ACCSL: variants seen among roughly 807,000 people sequenced by gnomAD.
ACCSL encodes 1-aminocyclopropane-1-carboxylate synthase homolog (inactive) like, also known as probable inactive 1-aminocyclopropane-1-carboxylate synthase-like protein 2.
In ACCSL, 55 loss-of-function variants were observed where a neutral mutation model predicts 61.7. That is an observed-to-expected ratio of 0.89 (90% CI 0.72 to 1.12). The LOEUF (loss-of-function observed/expected upper bound fraction) is 1.12, where lower values mean the gene tolerates loss of function less well. ACCSL is among the 50% of genes most tolerant of loss of function. The pLI is 0.00. For synonymous variants in ACCSL, 258 were observed against 264.3 expected, an observed-to-expected ratio of 0.98 and a Z score of 0.23; for missense variants, 632 against 698.0, an observed-to-expected ratio of 0.91 and a Z score of 1.07.
the ACCSL span, among the ~76,000 whole-genome samples, chr11:43,969,714 C>G: frequency 0.027 from 4,037 of 152,222 alleles, 226 homozygotes; most frequent in Admixed American, 0.15. Flanking sequence ...CCCAGCTTCC[C>G]ACTTCCCTGG....
the ACCSL span, among the ~76,000 whole-genome samples, chr11:44,024,934 T>A: frequency 6.6e-6 from 1 of 152,208 alleles, no homozygotes; most frequent in Non-Finnish European, 1.5e-5. Context: ...TATTTAAAAA[T>A]GCCCTTCTTT....
chr11:44,032,643 G>A, the ACCSL span, among the ~76,000 whole-genome samples: 4 of 152,174 alleles, frequency 2.6e-5, no homozygotes, highest in African/African-American at 9.7e-5. Flanking sequence ...GAGTGGACTG[G>A]AGTGGGGAGC....
At chr11:43,942,773 C>T in the ACCSL span, 1 of 425,542 alleles carries the variant, frequency 2.3e-6, no homozygotes, top group Non-Finnish European at 3.2e-6. Context: ...GGGCCGCCGC[C>T]ACCCCGCAGC....
chr11:44,045,459 C>A (rs567033103), upstream of ACCSL, among the ~76,000 whole-genome samples: 8 of 152,200 alleles, frequency 5.3e-5, 1 homozygote, highest in Non-Finnish European at 8.8e-5. Context: ...CAACCCCCCC[C>A]ACAAAAAAAC....
the ACCSL span, among the ~76,000 whole-genome samples, chr11:43,927,483 AT>A: frequency 6.6e-6 from 1 of 152,238 alleles, no homozygotes. Context: ...TCAGTGCCTG[AT>A]TTATGAATCC....
chr11:44,004,878 C>A, the ACCSL span, among the ~76,000 whole-genome samples: 6 of 152,194 alleles, frequency 3.9e-5, no homozygotes, highest in Non-Finnish European at 7.3e-5. Flanking sequence ...GTTGGAGAAG[C>A]ACTGCTCTAG....
the ACCSL span, among the ~76,000 whole-genome samples, chr11:44,027,635 T>C: frequency 6.6e-6 from 1 of 152,176 alleles, no homozygotes; most frequent in African/African-American, 2.4e-5. Context: ...GGTGAAGAAA[T>C]GTTCCCAAGG....
the ACCSL span, chr11:43,933,092 G>C: frequency 2.2e-6 from 1 of 456,040 alleles, no homozygotes; most frequent in African/African-American, 2.0e-5. Flanking sequence ...TTTTCCAGTA[G>C]GCAGAAGACT....
At chr11:43,979,718 A>G in the ACCSL span, among the ~76,000 whole-genome samples, 1 of 151,994 alleles carries the variant, frequency 6.6e-6, no homozygotes, top group Admixed American at 6.6e-5. Flanking sequence ...GTGGTGGTGC[A>G]TGCCTGTAGT....
the ACCSL span, among the ~76,000 whole-genome samples, chr11:43,991,669 C>T: frequency 6.6e-6 from 1 of 152,208 alleles, no homozygotes; most frequent in Non-Finnish European, 1.5e-5. Flanking sequence ...TGGTTGGTGC[C>T]TGTAGTCCCA....
At chr11:43,964,201 T>G in the ACCSL span, among the ~76,000 whole-genome samples, 285 of 152,250 alleles carry the variant, frequency 1.9e-3, 2 homozygotes, top group African/African-American at 6.5e-3. Context: ...TCCCAGCACT[T>G]TGGGAGCTGA....
At chr11:43,951,874 G>A in the ACCSL span, among the ~76,000 whole-genome samples, 2 of 152,172 alleles carry the variant, frequency 1.3e-5, no homozygotes, top group Non-Finnish European at 2.9e-5. Flanking sequence ...GTTGGCGCAT[G>A]CCTGTAATCC....
chr11:44,018,431 G>T, the ACCSL span, among the ~76,000 whole-genome samples: 1 of 152,186 alleles, frequency 6.6e-6, no homozygotes, highest in Non-Finnish European at 1.5e-5. Flanking sequence ...GAGTCTACAG[G>T]CAATATAGTT....
the ACCSL span, among the ~76,000 whole-genome samples, chr11:43,938,278 C>T: frequency 6.6e-6 from 1 of 152,164 alleles, no homozygotes; most frequent in Non-Finnish European, 1.5e-5. Context: ...TGTCATTCTC[C>T]ACAACCACCG....
At chr11:44,001,141 A>T in the ACCSL span, 1 of 152,184 alleles carries the variant, frequency 6.6e-6, no homozygotes, top group Non-Finnish European at 1.5e-5. Context: ...CATAAAATAA[A>T]TTCCCTCATC....
the ACCSL span, among the ~76,000 whole-genome samples, chr11:43,956,563 G>A: frequency 6.6e-6 from 1 of 152,090 alleles, no homozygotes; most frequent in East Asian, 1.9e-4. Flanking sequence ...GGGACTATAG[G>A]CACGTGCCAC....
At chr11:43,982,494 G>A in the ACCSL span, among the ~76,000 whole-genome samples, 4 of 151,638 alleles carry the variant, frequency 2.6e-5, no homozygotes, top group East Asian at 1.9e-4. Context: ...TCCCAAAGTG[G>A]CAAGGCCCTC....
At chr11:43,978,795 T>G in the ACCSL span, among the ~76,000 whole-genome samples, 2 of 145,678 alleles carry the variant, frequency 1.4e-5, no homozygotes, top group East Asian at 2.0e-4. Flanking sequence ...TTTTTTTTTT[T>G]TTTTTTTTTT....
the ACCSL span, among the ~76,000 whole-genome samples, chr11:44,029,712 C>T: frequency 5.3e-5 from 8 of 152,196 alleles, no homozygotes; most frequent in Non-Finnish European, 1.2e-4. Context: ...AGTCCATAAC[C>T]CCAAGTTCCA....
Sources: allele counts gnomAD v4.1 joint callset (sites outside exome capture counted in the v4.1 genomes callset), GRCh38; gene constraint gnomAD v4.1.1; transcripts MANE v1.5; gene names NCBI Gene and HGNC (gene_info 2026-07-23, HGNC 2026-07-21).